Variants in TP63 observed in about 807,000 individuals in gnomAD.
TP63 encodes the protein tumor protein p63.
TP63 carries 17 observed loss-of-function variants against 82.8 expected under a neutral mutation model. That is an observed-to-expected ratio of 0.21 (90% CI 0.14 to 0.31). The LOEUF (loss-of-function observed/expected upper bound fraction) is 0.31, where lower values mean the gene tolerates loss of function less well. Among genes scored for constraint, TP63 ranks in the 10% least tolerant of loss-of-function variants. TP63 has a pLI of 1.00. For synonymous variants in TP63, 330 were observed against 321.7 expected, an observed-to-expected ratio of 1.03 and a Z score of -0.28; for missense variants, 648 against 895.3, an observed-to-expected ratio of 0.72 and a Z score of 3.52.
At chr3:189,740,023 GGGAGAAAGTCAATT>G (rs11276508) in intron 3 of TP63, among the ~76,000 whole-genome samples, 60,714 of 151,794 alleles carry the variant, frequency 0.4, 12,212 homozygotes, top group Non-Finnish European at 0.41. Flanking sequence ...GAAAGTCAAT[GGGAGAAAGTCAATT>G]GGAGAAAGGC....
intron 1 of TP63, among the ~76,000 whole-genome samples, chr3:189,675,408 A>T (rs1052082665): frequency 6.6e-6 from 1 of 152,182 alleles, no homozygotes; most frequent in Non-Finnish European, 1.5e-5. Flanking sequence ...AGGTCATTTT[A>T]AAAGATTATA....
At chr3:189,716,865 C>T (rs1291454256) in intron 1 of TP63, among the ~76,000 whole-genome samples, 1 of 151,842 alleles carries the variant, frequency 6.6e-6, no homozygotes, top group Admixed American at 6.6e-5. Context: ...GTGGCGCAAT[C>T]TCGGCTCATT....
chr3:189,847,208 A>G (rs998521105), intron 4 of TP63, among the ~76,000 whole-genome samples: 1 of 151,890 alleles, frequency 6.6e-6, no homozygotes, highest in South Asian at 2.1e-4. Flanking sequence ...AAATACAAAA[A>G]TTAGCTAGGT....
chr3:189,756,967 A>G (rs1313919447), intron 3 of TP63, among the ~76,000 whole-genome samples: 3 of 152,228 alleles, frequency 2.0e-5, no homozygotes, highest in Non-Finnish European at 2.9e-5. Context: ...TGGAAATCCT[A>G]TCATGCTGGC....
intron 1 of TP63, among the ~76,000 whole-genome samples, chr3:189,635,807 T>C (rs751568308): frequency 6.6e-6 from 1 of 152,128 alleles, no homozygotes; most frequent in South Asian, 2.1e-4. Context: ...CCTGCCAGGA[T>C]CATGACAACT....
intron 3 of TP63, among the ~76,000 whole-genome samples, chr3:189,788,189 A>T (rs1724769720): frequency 6.6e-6 from 1 of 151,944 alleles, no homozygotes. Flanking sequence ...GTTTTGTCTG[A>T]TATAAATTTG....
chr3:189,770,935 A>C (rs1469181772), intron 3 of TP63, among the ~76,000 whole-genome samples: 1 of 152,082 alleles, frequency 6.6e-6, no homozygotes, highest in Non-Finnish European at 1.5e-5. Flanking sequence ...CTTATGTTTG[A>C]GTAATGCTCT....
At chr3:189,844,954 T>G (rs1216170475) in intron 4 of TP63, among the ~76,000 whole-genome samples, 1 of 152,228 alleles carries the variant, frequency 6.6e-6, no homozygotes, top group Non-Finnish European at 1.5e-5. Flanking sequence ...TCCATCTGTT[T>G]TGTATGATTT....
At chr3:189,789,257 A>G (rs1724880480) in intron 3 of TP63, among the ~76,000 whole-genome samples, 1 of 152,044 alleles carries the variant, frequency 6.6e-6, no homozygotes, top group Non-Finnish European at 1.5e-5. Flanking sequence ...GAAACCCCAA[A>G]TCTAGATTTT....
At chr3:189,678,023 A>G (rs1411502079) in intron 1 of TP63, among the ~76,000 whole-genome samples, 1 of 152,056 alleles carries the variant, frequency 6.6e-6, no homozygotes, top group Non-Finnish European at 1.5e-5. Flanking sequence ...CATGGTTTGC[A>G]AATATTTTCT....
chr3:189,660,490 G>T (rs1303394697), intron 1 of TP63, among the ~76,000 whole-genome samples: 1 of 151,972 alleles, frequency 6.6e-6, no homozygotes, highest in Non-Finnish European at 1.5e-5. Context: ...TTAAAGTTGG[G>T]TAATGTGATG....
chr3:189,645,571 A>T (rs973244132), intron 1 of TP63: 6 of 155,030 alleles, frequency 3.9e-5, no homozygotes, highest in Non-Finnish European at 8.6e-5. Flanking sequence ...TTTGTTACAT[A>T]TGTATACATG....
intron 1 of TP63, among the ~76,000 whole-genome samples, chr3:189,647,973 A>C (rs1374878666): frequency 7.9e-6 from 1 of 126,342 alleles, no homozygotes; most frequent in African/African-American, 2.8e-5. Context: ...CTAAGATTAA[A>C]GATTTCACAT....
chr3:189,622,601 TC>T, the TP63 span, among the ~76,000 whole-genome samples: 2 of 152,180 alleles, frequency 1.3e-5, no homozygotes, highest in African/African-American at 4.8e-5. Context: ...AGAGGAGAGA[TC>T]TTTGTTTTAT....
intron 1 of TP63, among the ~76,000 whole-genome samples, chr3:189,660,933 C>A (rs188287186): frequency 6.6e-6 from 1 of 151,896 alleles, no homozygotes; most frequent in African/African-American, 2.4e-5. Flanking sequence ...TATTTTGTAT[C>A]CTGAAACTTT....
chr3:189,698,777 A>T (rs1437174748), intron 1 of TP63, among the ~76,000 whole-genome samples: 1 of 152,162 alleles, frequency 6.6e-6, no homozygotes, highest in Non-Finnish European at 1.5e-5. Flanking sequence ...ATCATATCTA[A>T]ACTATATAAT....
Position 189,816,737 on chromosome 3 carries a change from T to C in TP63, c.579+8211T>C, listed in dbSNP as rs1272455491. ...AAGCCCTGCAGACATTTTGTAGATA[T>C]GGAATGGTTTTTAGAATGATGGATC... On this transcript the variant is annotated intron_variant, in intron 4 of 13. Coordinates refer to ENST00000264731, the MANE Select transcript of TP63 (RefSeq NM_003722.5). Among the ~76,000 whole-genome samples the C allele has an allele frequency of 2.0e-5, 3 of 152,140 alleles. No homozygotes were observed. In the East Asian group the frequency reaches 5.8e-4, roughly 29 times the overall value.
chr3:189,612,095 T>G, the TP63 span, among the ~76,000 whole-genome samples: 1 of 152,222 alleles, frequency 6.6e-6, no homozygotes, highest in Non-Finnish European at 1.5e-5. Context: ...TGCCTTGTTC[T>G]CTTTCTATAT....
intron 1 of TP63, among the ~76,000 whole-genome samples, chr3:189,665,525 A>G (rs1298104910): frequency 6.6e-6 from 1 of 152,122 alleles, no homozygotes; most frequent in African/African-American, 2.4e-5. Flanking sequence ...GATGTTATTG[A>G]TATTTGCAAC....
Sources: gnomAD v4.1 joint callset for allele counts (sites outside exome capture counted in the v4.1 genomes callset) on GRCh38, gnomAD v4.1.1 for gene constraint, MANE v1.5 for transcripts, NCBI Gene and HGNC (gene_info 2026-07-23, HGNC 2026-07-21) for gene names.